Variants in SPTB observed in about 807,000 individuals in gnomAD.
SPTB encodes the protein spectrin beta, erythrocytic.
Under a neutral mutation model 256.2 loss-of-function variants are expected in SPTB, and 45 were observed. The ratio of observed to expected loss-of-function variants is 0.18; its 90% CI spans 0.14 to 0.23. The LOEUF (loss-of-function observed/expected upper bound fraction) is 0.23, where lower values mean the gene tolerates loss of function less well. Ranked by LOEUF, SPTB falls within the 10% of genes least tolerant of loss-of-function variation. The probability of loss-of-function intolerance (pLI) is 1.00; values close to 1 mark genes in which losing one functional copy is unlikely to be tolerated. For synonymous variants in SPTB, 1,231 were observed against 1,243.1 expected (o/e 0.99, Z 0.21); for missense variants, 2,715 against 3,040.4 (o/e 0.89, Z 2.52).
chr14:64,768,912 A>T, intron 29 of SPTB, 122 bp downstream of exon 29: 2 of 838,092 alleles, frequency 2.4e-6, no homozygotes, highest in Non-Finnish European at 4.1e-6. Flanking sequence ...GCTGAAGAGC[A>T]GTGCTGTGGG....
At chr14:64,801,238 A>T in intron 7 of SPTB, 47 bp downstream of exon 7, 1 of 1,511,566 alleles carries the variant, frequency 6.6e-7, no homozygotes, top group Non-Finnish European at 9.2e-7. Context: ...CAGCGAGTGC[A>T]TCCCCCACTG....
At chr14:64,762,827 G>A (rs186536084) in intron 32 of SPTB, among the ~76,000 whole-genome samples, 141 of 152,314 alleles carry the variant, frequency 9.3e-4, no homozygotes, top group Admixed American at 2.0e-3. Context: ...CCAGGGTCCC[G>A]TCTGCACTAC....
intron 15 of SPTB, among the ~76,000 whole-genome samples, chr14:64,788,573 T>G (rs1403355737): frequency 1.3e-5 from 2 of 152,146 alleles, no homozygotes; most frequent in East Asian, 3.9e-4. Flanking sequence ...AGGGGTTTTC[T>G]CCAAGTTTGT....
intron 32 of SPTB, chr14:64,754,103 T>C: frequency 2.0e-6 from 1 of 494,778 alleles, no homozygotes; most frequent in East Asian, 3.8e-5. Context: ...GGGGCCTGAG[T>C]GATTATTTCA....
At chr14:64,822,132 G>A (rs2083297249) in intron 2 of SPTB, among the ~76,000 whole-genome samples, 2 of 151,232 alleles carry the variant, frequency 1.3e-5, no homozygotes, top group South Asian at 4.2e-4. Flanking sequence ...TCAGGTGAAG[G>A]AACCCACCTT....
Position 64,868,492 on chromosome 14 carries a change from G to A in SPTB, c.-52+11300C>T, listed in dbSNP as rs552321829. Among the ~76,000 whole-genome samples the A allele has an allele frequency of 2.0e-4, 30 of 152,314 alleles. 1 individual carries two copies. The South Asian group carries it at 5.2e-3, about 26-fold the overall frequency. On this transcript the variant is annotated intron_variant, in intron 1 of 35. Coordinates refer to ENST00000644917, the MANE Select transcript of SPTB (RefSeq NM_001355436.2). ...GAGACATCTCTACAGAAGCAAATAA[G>A]GACAGCAGCAGACTGCTGTGAAGCT...
intron 1 of SPTB, among the ~76,000 whole-genome samples, chr14:64,829,213 G>A (rs1202555445): frequency 6.6e-6 from 1 of 152,142 alleles, no homozygotes; most frequent in Non-Finnish European, 1.5e-5. Context: ...AGGAATTACA[G>A]GAAATCAAGA....
Position 64,749,602 on chromosome 14 carries a change from C to T in SPTB, c.6819+52G>A. 1.2e-6 allele frequency: 2 copies of T among 1,611,372 alleles called. No homozygotes were observed. Among genetic ancestry groups the T allele is most frequent in the Non-Finnish European group, 1.7e-6 (2 of 1,179,484 alleles). ...GCCTCCAGGGCAAGCGGCCTGGGGT[C>T]CTCCACCTACCCCCTTCTTAGCCAG... On this transcript the variant is annotated intron_variant, in intron 35 of 35. Transcript: ENST00000644917. This position sits in a 1 kb window ranked among gnomAD's most constrained non-coding sequence, Gnocchi z 4.7.
rs925953072 is a variant in SPTB at position 64,826,840 on chromosome 14, C to T, written c.-51-3695G>A. Reference sequence around the variant, plus strand: ...ATCCTTACCTGCCTTCTGCCACCACCGACCCCAGGCTATATTTTGAGTAGG... The same window carrying T: ...ATCCTTACCTGCCTTCTGCCACCACTGACCCCAGGCTATATTTTGAGTAGG... On this transcript the variant is annotated intron_variant, in intron 1 of 35. Coordinates refer to ENST00000644917, the MANE Select transcript of SPTB (RefSeq NM_001355436.2). The surrounding 1 kb of genome is among the most constrained non-coding windows in gnomAD (Gnocchi z 4.4). 5.3e-5 allele frequency among the ~76,000 whole-genome samples: 8 copies of T among 152,134 alleles called. No individual in the cohort carries two copies. The highest frequency in any genetic ancestry group is 6.5e-5 in the Admixed American group (1 of 15,274).
chr14:64,796,785 T>C lies in SPTB; in HGVS notation c.1183-70A>G. 4.4e-6 allele frequency: 7 copies of C among 1,589,748 alleles called. No homozygotes were observed. Among genetic ancestry groups the C allele is most frequent in the Non-Finnish European group, 6.0e-6 (7 of 1,162,010 alleles). ...GCCTCACTTTGGGGGCTCCACCCCT[T>C]TCACCCAACACTGAGTGATTTCTGG... On this transcript the variant is annotated intron_variant, in intron 10 of 35. Transcript: ENST00000644917. The surrounding 1 kb of genome is among the most constrained non-coding windows in gnomAD (Gnocchi z 4.1).
In SPTB at chr14:64,825,297, G is replaced by A. The variant is rs889491836; in HGVS notation, c.-51-2152C>T. On this transcript the variant is annotated intron_variant, in intron 1 of 35. Transcript: ENST00000644917. This position sits in a 1 kb window ranked among gnomAD's most constrained non-coding sequence, Gnocchi z 4.8. ...AGGTGGGAAAACCAGTCATCATCCC[G>A]AACACAGGATGCCCCATGATGCCAG... Among the ~76,000 whole-genome samples the A allele has an allele frequency of 5.3e-5, 8 of 152,160 alleles. No homozygotes were observed. The highest frequency in any genetic ancestry group is 1.7e-4 in the African/African-American group (7 of 41,430).
Position 64,797,723 on chromosome 14 carries a change from TG to T in SPTB, c.1182+5del. The T allele has an allele frequency of 6.3e-7, 1 of 1,595,048 alleles. No homozygotes were observed. Among genetic ancestry groups the T allele is most frequent in the Non-Finnish European group, 8.6e-7 (1 of 1,162,660 alleles). On this transcript the variant is annotated splice_donor_5th_base_variant and intron_variant, in intron 10 of 35. Coordinates refer to ENST00000644917, the MANE Select transcript of SPTB (RefSeq NM_001355436.2). ...TGTCAATGCATAACGGAAAATGCTGTGGTACCCTGTTGATGTCAGACACTAG... is the reference window on the plus strand; with the variant it reads ...TGTCAATGCATAACGGAAAATGCTGTGTACCCTGTTGATGTCAGACACTAG...
chr14:64,786,665 C>T lies in SPTB; in HGVS notation c.3300G>A (p.Leu1100=), dbSNP rs767287956. 1.5e-5 allele frequency: 24 copies of T among 1,614,020 alleles called. No homozygotes were observed. In the Admixed American group the frequency reaches 4.0e-4, roughly 27 times the overall value. ...PESLPEAEQL[L]QQHAGIKDEI... is the part of the protein sequence containing the mutation. ...CATCCTTGATACCTGCATGCTGCTGCAGGAGCTGCTCAGCCTCTGGGAGGG... is the reference window on the plus strand; with the variant it reads ...CATCCTTGATACCTGCATGCTGCTGTAGGAGCTGCTCAGCCTCTGGGAGGG... Residue 1100 remains leucine, a synonymous_variant, in exon 16 of 36, where the codon CTG becomes CTA. Transcript: ENST00000644917. This position sits in a 1 kb window ranked among gnomAD's most constrained non-coding sequence, Gnocchi z 5.6.
rs1436929613 is a variant in SPTB at position 64,786,541 on chromosome 14, G to A, written c.3424C>T (p.Arg1142Trp). Residue 1142 changes from arginine (R) to tryptophan (W), a missense_variant, in exon 16 of 36, where the codon CGG (arginine) becomes TGG (tryptophan). Arg to Trp is a moderately radical substitution (Grantham distance 101). Coordinates refer to ENST00000644917, the MANE Select transcript of SPTB (RefSeq NM_001355436.2). This position sits in a 1 kb window ranked among gnomAD's most constrained non-coding sequence, Gnocchi z 5.6. ...CAGCCAGTATCCAGGCCCTCCAGCC[G>A]CTGGCCCAGAAGCAGATACTCTGGG... ...TDPEYLLLGQ[R>W]LEGLDTGWNA... 8 of 1,614,024 alleles carry A rather than the reference G, an allele frequency of 5.0e-6. No individual in the cohort carries two copies. The highest frequency in any genetic ancestry group is 1.6e-4 in the Middle Eastern group (1 of 6,080).
intron 2 of SPTB, among the ~76,000 whole-genome samples, chr14:64,818,773 G>T (rs2083236901): frequency 6.6e-6 from 1 of 152,162 alleles, no homozygotes; most frequent in African/African-American, 2.4e-5. Context: ...ACAATTAGGG[G>T]GACTCTAGGA....
At chr14:64,831,101 G>T (rs2083445757) in intron 1 of SPTB, among the ~76,000 whole-genome samples, 1 of 152,022 alleles carries the variant, frequency 6.6e-6, no homozygotes, top group Admixed American at 6.5e-5. Context: ...TGGGCTCAGG[G>T]AAAGCTGGTG....
chr14:64,766,751 T>C lies in SPTB; in HGVS notation c.6320A>G (p.His2107Arg). 3 of 1,574,464 alleles carry C rather than the reference T, an allele frequency of 1.9e-6. No individual in the cohort carries two copies. The highest frequency in any genetic ancestry group is 2.6e-6 in the Non-Finnish European group (3 of 1,160,652). ...CGGGGACGTTCTCTCGGTGGCCGCA[T>C]GGTGGGAAACTGGAGCCTCCCCTGC... Reference protein sequence around the residue: ...ETAGEAPVSHHAATERTSPGE... With the variant: ...ETAGEAPVSHRAATERTSPGE... Residue 2107 changes from histidine to arginine, a missense_variant, in exon 32 of 36, where the codon CAT becomes CGT. Physicochemically the swap from His to Arg is conservative, Grantham distance 29. This residue lies in a region of SPTB where 2,239 missense variants were observed against 2,384.4 expected (regional missense o/e 0.94). Coordinates refer to ENST00000644917, the MANE Select transcript of SPTB (RefSeq NM_001355436.2).
intron 2 of SPTB, among the ~76,000 whole-genome samples, chr14:64,809,284 G>C (rs1430178346): frequency 7.4e-6 from 1 of 135,424 alleles, no homozygotes; most frequent in African/African-American, 2.8e-5. Context: ...AAAAAAAAAA[G>C]GCCAAAGCTT....
rs2082346334 is a variant in SPTB at position 64,775,687 on chromosome 14, C to T, written c.4564-284G>A. Among the ~76,000 whole-genome samples the T allele has an allele frequency of 6.6e-6, 1 of 152,252 alleles. No homozygotes were observed. Among genetic ancestry groups the T allele is most frequent in the Admixed American group, 6.5e-5 (1 of 15,286 alleles). On this transcript the variant is annotated intron_variant, in intron 22 of 35. Coordinates refer to ENST00000644917, the MANE Select transcript of SPTB (RefSeq NM_001355436.2). The surrounding 1 kb of genome is among the most constrained non-coding windows in gnomAD (Gnocchi z 5.0). ...AGAGCCGGAGTTGAACACAGCTCCA[C>T]CTGACCTGGCAGCCTGTGCTCTTGA...
Sources: allele counts gnomAD v4.1 joint callset (sites outside exome capture counted in the v4.1 genomes callset), GRCh38; gene constraint gnomAD v4.1.1; regional missense constraint gnomAD v4.1.1; non-coding constraint Gnocchi (gnomAD v3.1); transcripts MANE v1.5; gene names NCBI Gene and HGNC (gene_info 2026-07-23, HGNC 2026-07-21).